The following SCARA3 variants were observed in gnomAD, a reference collection of about 807,000 sequenced individuals.
The protein encoded by SCARA3 is scavenger receptor class A member 3.
SCARA3 carries 39 observed loss-of-function variants against 47.0 expected under a neutral mutation model. That is an observed-to-expected ratio of 0.83 (90% CI 0.64 to 1.08). The LOEUF is 1.08. SCARA3 is among the 50% of genes least tolerant of loss of function. The pLI, the probability that SCARA3 is intolerant of heterozygous loss-of-function variation, is 0.00. For synonymous variants in SCARA3, 356 were observed against 334.1 expected (o/e 1.07, Z -0.71); for missense variants, 724 against 792.3 (o/e 0.91, Z 1.04).
the SCARA3 span, among the ~76,000 whole-genome samples, chr8:27,704,688 C>G: frequency 2.6e-5 from 4 of 151,230 alleles, no homozygotes; most frequent in Non-Finnish European, 5.9e-5. Flanking sequence ...TAGTTGGTTA[C>G]TAACAGCATT....
In SCARA3 at chr8:27,671,612, G is replaced by A. The variant is rs568453172; in HGVS notation, c.*261G>A. The A allele has an allele frequency of 3.3e-6, 4 of 1,198,214 alleles. No homozygotes were observed. The highest frequency in any genetic ancestry group is 3.1e-6 in the Non-Finnish European group (3 of 962,740). 74.2% of individuals were successfully genotyped at this position (1,198,214 alleles called of 1,614,324 possible). A position where few individuals can be genotyped will look rare whatever the true frequency, so the allele number is the denominator to read the frequency against. ...TACACGCACATGCACACATACACAT[G>A]CATGCACACATACACAGGCATACAT... is the stretch of plus-strand genomic sequence containing the variant. On this transcript the variant is annotated 3_prime_UTR_variant, in exon 6 of 6. Transcript: ENST00000301904.
chr8:27,644,689 A>G (rs1313054113), intron 1 of SCARA3, among the ~76,000 whole-genome samples: 1 of 152,036 alleles, frequency 6.6e-6, no homozygotes, highest in East Asian at 1.9e-4. Context: ...GCCTTCCTAT[A>G]AACGGAGTCT....
chr8:27,654,798 A>G (rs1801707499), intron 3 of SCARA3, among the ~76,000 whole-genome samples: 1 of 143,044 alleles, frequency 7.0e-6, no homozygotes, highest in Admixed American at 7.2e-5. Flanking sequence ...ACAAAAAAAA[A>G]AAAAGAAAAA....
At chr8:27,641,095 C>T (rs752009080) in intron 1 of SCARA3, among the ~76,000 whole-genome samples, 1 of 152,240 alleles carries the variant, frequency 6.6e-6, no homozygotes, top group Admixed American at 6.5e-5. Context: ...TAGCTATTTG[C>T]ATTTTCCCTC....
At chr8:27,715,812 T>C in the SCARA3 span, among the ~76,000 whole-genome samples, 4 of 142,778 alleles carry the variant, frequency 2.8e-5, no homozygotes, top group East Asian at 2.1e-4. The surrounding 1 kb of genome is among the most constrained non-coding windows in gnomAD (Gnocchi z 4.2). Flanking sequence ...CAGATATAGA[T>C]AGATAGATAG....
At chr8:27,711,015 C>G in the SCARA3 span, among the ~76,000 whole-genome samples, 2 of 150,282 alleles carry the variant, frequency 1.3e-5, no homozygotes, top group African/African-American at 4.9e-5. Flanking sequence ...CTCTGCCTCC[C>G]GGGTTCAAGC....
At chr8:27,707,215 A>G in the SCARA3 span, among the ~76,000 whole-genome samples, 1 of 152,176 alleles carries the variant, frequency 6.6e-6, no homozygotes, top group Non-Finnish European at 1.5e-5. Context: ...GAGAAACTGA[A>G]GAGTCTACAA....
At chr8:27,684,055 C>T in the SCARA3 span, among the ~76,000 whole-genome samples, 1 of 152,082 alleles carries the variant, frequency 6.6e-6, no homozygotes, top group African/African-American at 2.4e-5. Flanking sequence ...CAGGGAAGAG[C>T]AAGAGCTGAT....
downstream of SCARA3, among the ~76,000 whole-genome samples, chr8:27,675,295 G>C (rs565430135): frequency 1.3e-5 from 2 of 152,330 alleles, no homozygotes; most frequent in African/African-American, 4.8e-5. Flanking sequence ...AGAGCAGAGA[G>C]CTGAAAAACA....
At chr8:27,673,886 TG>T (rs1376118729), downstream of SCARA3, among the ~76,000 whole-genome samples, 1 of 152,118 alleles carries the variant, frequency 6.6e-6, no homozygotes, top group Admixed American at 6.5e-5. Flanking sequence ...GGGAGGGACC[TG>T]GGGGAGTCTG....
the SCARA3 span, among the ~76,000 whole-genome samples, chr8:27,682,564 CA>C: frequency 6.6e-6 from 1 of 151,710 alleles, no homozygotes; most frequent in South Asian, 2.1e-4. Flanking sequence ...AGATAGTCCA[CA>C]AAAAAAGGTG....
intron 5 of SCARA3, among the ~76,000 whole-genome samples, chr8:27,665,903 C>T (rs1802006129): frequency 1.3e-5 from 2 of 152,124 alleles, no homozygotes; most frequent in Admixed American, 6.5e-5. Context: ...TTGGAAAGTA[C>T]AAGAAATGTT....
At chr8:27,644,644 G>C (rs1479665580) in intron 1 of SCARA3, among the ~76,000 whole-genome samples, 1 of 151,632 alleles carries the variant, frequency 6.6e-6, no homozygotes, top group Non-Finnish European at 1.5e-5. Flanking sequence ...GAGAGAGAGA[G>C]AGAAGAGAGA....
intron 3 of SCARA3, among the ~76,000 whole-genome samples, chr8:27,656,562 T>C (rs1042013270): frequency 3.9e-5 from 6 of 152,298 alleles, no homozygotes; most frequent in African/African-American, 1.4e-4. Context: ...GTCCTATTTC[T>C]AACATGTGGG....
the SCARA3 span, among the ~76,000 whole-genome samples, chr8:27,727,516 G>C: frequency 6.6e-6 from 1 of 152,134 alleles, no homozygotes; most frequent in Non-Finnish European, 1.5e-5. Flanking sequence ...GTTCCTTCCA[G>C]TGGCTCATAC....
chr8:27,644,327 A>G (rs968532568), intron 1 of SCARA3, among the ~76,000 whole-genome samples: 1 of 152,136 alleles, frequency 6.6e-6, no homozygotes, highest in African/African-American at 2.4e-5. Flanking sequence ...TGTGCCTTTC[A>G]CTAGGAAATC....
the SCARA3 span, among the ~76,000 whole-genome samples, chr8:27,728,168 G>A: frequency 1.3e-5 from 2 of 152,238 alleles, no homozygotes; most frequent in Non-Finnish European, 2.9e-5. Flanking sequence ...CAGAAAGCTG[G>A]GTTCCAGGTG....
chr8:27,684,386 T>C, the SCARA3 span, among the ~76,000 whole-genome samples: 1 of 152,092 alleles, frequency 6.6e-6, no homozygotes, highest in African/African-American at 2.4e-5. Flanking sequence ...GCCTTGAACA[T>C]CCATATTAGA....
chr8:27,731,553 C>G, the SCARA3 span, among the ~76,000 whole-genome samples: 1 of 145,450 alleles, frequency 6.9e-6, no homozygotes, highest in Non-Finnish European at 1.5e-5. Context: ...GAGGCTGAGG[C>G]AGGATAATTG....
Sources: allele counts gnomAD v4.1 joint callset (sites outside exome capture counted in the v4.1 genomes callset), GRCh38; gene constraint gnomAD v4.1.1; non-coding constraint Gnocchi (gnomAD v3.1); transcripts MANE v1.5; gene names NCBI Gene and HGNC (gene_info 2026-07-23, HGNC 2026-07-21).